Variants in RALYL observed in about 807,000 individuals in gnomAD.
RALYL encodes RNA-binding Raly-like protein.
A neutral mutation model predicts 35.1 loss-of-function variants in RALYL; 29 were observed. The ratio of observed to expected loss-of-function variants is 0.83; its 90% CI spans 0.61 to 1.13. The LOEUF (loss-of-function observed/expected upper bound fraction) is 1.13. RALYL is among the 50% of genes most tolerant of loss of function. The probability of loss-of-function intolerance (pLI) is 0.00; values close to 1 mark genes in which losing one functional copy is unlikely to be tolerated. For synonymous variants in RALYL, 120 were observed against 127.6 expected, an observed-to-expected ratio of 0.94 and a Z score of 0.40; for missense variants, 359 against 360.4, an observed-to-expected ratio of 1.00 and a Z score of 0.03.
chr8:84,425,886 G>T (rs1454700834), intron 1 of RALYL, among the ~76,000 whole-genome samples: 2 of 150,688 alleles, frequency 1.3e-5, no homozygotes, highest in East Asian at 4.0e-4. Context: ...ACTGGGGTTT[G>T]GTTGCTACCA....
intron 1 of RALYL, among the ~76,000 whole-genome samples, chr8:84,505,324 T>C (rs16919785): frequency 0.36 from 54,445 of 151,994 alleles, 9,960 homozygotes; most frequent in South Asian, 0.51. Flanking sequence ...TTTATGTTTA[T>C]ATGTGCTTCA....
At chr8:84,621,255 G>A (rs1228827774) in intron 2 of RALYL, among the ~76,000 whole-genome samples, 1 of 152,180 alleles carries the variant, frequency 6.6e-6, no homozygotes, top group Non-Finnish European at 1.5e-5. Flanking sequence ...CCGTGGGCGT[G>A]GGCGTAGGAC....
At chr8:84,918,560 CAATT>C (rs1406174690) in intron 8 of RALYL, among the ~76,000 whole-genome samples, 3 of 152,040 alleles carry the variant, frequency 2.0e-5, no homozygotes, top group Non-Finnish European at 4.4e-5. Context: ...AAAGAGAGCA[CAATT>C]AGTTTTACAT....
intron 2 of RALYL, among the ~76,000 whole-genome samples, chr8:84,677,556 G>A (rs974134551): frequency 6.6e-6 from 1 of 152,114 alleles, no homozygotes; most frequent in Non-Finnish European, 1.5e-5. Context: ...TCAGAAAAGT[G>A]TACCTATAAC....
intron 2 of RALYL, among the ~76,000 whole-genome samples, chr8:84,542,980 C>G (rs889415846): frequency 7.2e-5 from 11 of 152,082 alleles, no homozygotes; most frequent in African/African-American, 2.4e-4. Context: ...TGTTGAAATA[C>G]ATTTTGACTC....
intron 1 of RALYL, among the ~76,000 whole-genome samples, chr8:84,217,634 C>T (rs1324690746): frequency 1.3e-5 from 2 of 152,034 alleles, no homozygotes; most frequent in Non-Finnish European, 2.9e-5. Context: ...TTTTTAAAGG[C>T]TTGTGGGACA....
intron 1 of RALYL, among the ~76,000 whole-genome samples, chr8:84,485,968 G>A: frequency 7.1e-6 from 1 of 140,284 alleles, no homozygotes; most frequent in Non-Finnish European, 1.5e-5. Context: ...TATTATGTAA[G>A]TTATATCAGG....
chr8:84,815,036 GTTGTCATTGTAAACAC>G (rs1193107692), intron 4 of RALYL, among the ~76,000 whole-genome samples: 8 of 152,130 alleles, frequency 5.3e-5, no homozygotes, highest in Admixed American at 2.0e-4. Context: ...ACATGCACAG[GTTGTCATTGTAAACAC>G]TTACCATCTC....
intron 4 of RALYL, among the ~76,000 whole-genome samples, chr8:84,836,313 C>G (rs766253026): frequency 6.6e-5 from 10 of 152,124 alleles, no homozygotes; most frequent in Admixed American, 1.3e-4. Flanking sequence ...TGAGAGCTTT[C>G]TTAAGTTAGG....
chr8:84,768,810 A>T (rs1563560581), intron 2 of RALYL, among the ~76,000 whole-genome samples: 1 of 152,198 alleles, frequency 6.6e-6, no homozygotes, highest in Non-Finnish European at 1.5e-5. Context: ...AACACGTTTC[A>T]TTGTATATAA....
intron 2 of RALYL, among the ~76,000 whole-genome samples, chr8:84,553,121 A>G (rs1025450499): frequency 6.6e-6 from 1 of 152,200 alleles, no homozygotes; most frequent in African/African-American, 2.4e-5. Context: ...TTAATCTTAA[A>G]TAATTTGTTT....
chr8:84,497,968 T>G (rs536019948), intron 1 of RALYL, among the ~76,000 whole-genome samples: 198 of 152,030 alleles, frequency 1.3e-3, no homozygotes, highest in Admixed American at 2.2e-3. Flanking sequence ...TTTTTTTTTT[T>G]TTTGTTTTCA....
intron 2 of RALYL, among the ~76,000 whole-genome samples, chr8:84,562,294 C>G (rs1168069329): frequency 1.3e-5 from 2 of 151,846 alleles, no homozygotes; most frequent in Non-Finnish European, 2.9e-5. Flanking sequence ...CTGTAGCCGG[C>G]CAGCAAGTTT....
intron 1 of RALYL, chr8:84,184,734 G>C (rs910046009): frequency 5.8e-5 from 20 of 347,242 alleles, no homozygotes; most frequent in East Asian, 9.2e-5. Context: ...CGCGCCGGCC[G>C]GGCACTAGGC....
chr8:84,451,505 C>A (rs1045497331), intron 1 of RALYL, among the ~76,000 whole-genome samples: 2 of 151,792 alleles, frequency 1.3e-5, no homozygotes, highest in African/African-American at 4.8e-5. Context: ...TACATATTTG[C>A]CAAATTGTTG....
chr8:84,609,942 C>G (rs1817932680), intron 2 of RALYL, among the ~76,000 whole-genome samples: 1 of 152,018 alleles, frequency 6.6e-6, no homozygotes, highest in Non-Finnish European at 1.5e-5. Flanking sequence ...CAGGGGAACT[C>G]CTCTTTATAA....
At chr8:84,327,399 T>C (rs549310627) in intron 1 of RALYL, among the ~76,000 whole-genome samples, 1 of 152,134 alleles carries the variant, frequency 6.6e-6, no homozygotes, top group Admixed American at 6.5e-5. Flanking sequence ...AGAGGGAATG[T>C]GGGAGGAGAT....
intron 2 of RALYL, among the ~76,000 whole-genome samples, chr8:84,697,063 TAGG>T (rs1014898909): frequency 6.6e-6 from 1 of 151,940 alleles, no homozygotes; most frequent in Non-Finnish European, 1.5e-5. Flanking sequence ...GGAAAGGAAT[TAGG>T]AGGACAGGAT....
intron 4 of RALYL, among the ~76,000 whole-genome samples, chr8:84,842,587 A>C (rs554372356): frequency 1.3e-5 from 2 of 152,346 alleles, no homozygotes; most frequent in Middle Eastern, 6.8e-3. Context: ...CAATCAATAG[A>C]AAAAGAAGGA....
Sources: gnomAD v4.1 joint callset for allele counts (sites outside exome capture counted in the v4.1 genomes callset) on GRCh38, gnomAD v4.1.1 for gene constraint, MANE v1.5 for transcripts, NCBI Gene and HGNC (gene_info 2026-07-23, HGNC 2026-07-21) for gene names.